DNAJC5: variants seen among roughly 807,000 people sequenced by gnomAD.
DNAJC5 encodes dnaJ homolog subfamily C member 5.
In DNAJC5, 1 loss-of-function variant was observed where a neutral mutation model predicts 23.2. The observed-to-expected ratio is 0.04, with a 90% CI of 0.02 to 0.20. DNAJC5 has a LOEUF of 0.20. Among genes scored for constraint, DNAJC5 ranks in the 10% least tolerant of loss-of-function variants. The pLI, the probability that DNAJC5 is intolerant of heterozygous loss-of-function variation, is 1.00. For synonymous variants in DNAJC5, 136 were observed against 120.0 expected (o/e 1.13, Z -0.87); for missense variants, 180 against 267.0 (o/e 0.67, Z 2.27).
Position 63,933,908 on chromosome 20 carries a change from A to G in DNAJC5, c.*2340A>G, listed in dbSNP as rs2053695363. The G allele has an allele frequency of 6.6e-6, 1 of 152,502 alleles. No individual in the cohort carries two copies. The highest frequency in any genetic ancestry group is 2.4e-5 in the African/African-American group (1 of 41,474). 9.4% of individuals were successfully genotyped at this position (152,502 alleles called of 1,614,324 possible). A position where few individuals can be genotyped will look rare whatever the true frequency, so the allele number is the denominator to read the frequency against. ...AGGTGGCTTTTCAGTTACAGAGTCC[A>G]GTGGACCATTTTGTAGAACCATGCA... On this transcript the variant is annotated 3_prime_UTR_variant, in exon 5 of 5. Transcript: ENST00000360864.
chr20:63,924,126 C>T (rs952434811), intron 1 of DNAJC5, among the ~76,000 whole-genome samples: 9 of 151,970 alleles, frequency 5.9e-5, no homozygotes, highest in Non-Finnish European at 1.2e-4. Context: ...AATTCTCTAA[C>T]TTTTGTTCTT....
chr20:63,926,591 A>G (rs112154274), intron 1 of DNAJC5, among the ~76,000 whole-genome samples: 10 of 152,348 alleles, frequency 6.6e-5, no homozygotes, highest in African/African-American at 1.9e-4. Context: ...ACGGAATCTC[A>G]TGCTCTGCCA....
rs1289859219 is a variant in DNAJC5 at position 63,934,503 on chromosome 20, G to C, written c.*2935G>C. ...CCCGTCCGGTTCACGAGGGGGTCCG[G>C]GCAGCACTGACTGCTTCCGACCTGC... On this transcript the variant is annotated 3_prime_UTR_variant, in exon 5 of 5. Transcript: ENST00000360864. 3 of 152,302 alleles carry C rather than the reference G, an allele frequency of 2.0e-5. No individual in the cohort carries two copies. Among genetic ancestry groups the C allele is most frequent in the Admixed American group, 2.0e-4 (3 of 15,288 alleles). The allele number at this position is 152,302 out of a possible 1,614,324, so 9.4% of individuals were successfully genotyped here.
intron 1 of DNAJC5, among the ~76,000 whole-genome samples, chr20:63,901,107 GGC>G: frequency 6.6e-6 from 1 of 152,208 alleles, no homozygotes; most frequent in Non-Finnish European, 1.5e-5. Context: ...TGGAATTACA[GGC>G]GTGTGCCACC....
At position 63,928,399 on chromosome 20, in the gene DNAJC5, C is replaced by A. The variant is rs770638590; in HGVS notation, c.54C>A (p.His18Gln). 6 of 1,614,066 alleles carry A rather than the reference C, an allele frequency of 3.7e-6. No individual in the cohort carries two copies. The South Asian group carries it at 5.5e-5, about 15-fold the overall frequency. Residue 18 changes from histidine to glutamine, a missense_variant, in exon 2 of 5, where the codon CAC becomes CAA. Physicochemically the swap from His to Gln is conservative, Grantham distance 24. Around this residue, in one of 3 missense-constraint regions of DNAJC5, gnomAD observed 77 missense variants for 106.8 expected, o/e 0.72. Transcript: ENST00000360864. The surrounding 1 kb of genome is among the most constrained non-coding windows in gnomAD (Gnocchi z 4.6). ...SLSTSGESLY[H>Q]VLGLDKNATS... ...CTACCTCTGGGGAGTCATTGTACCA[C>A]GTCCTTGGGTTGGACAAGAACGCAA... is the stretch of plus-strand genomic sequence containing the variant.
In DNAJC5 at chr20:63,934,805, G is replaced by A. The variant is rs576665202; in HGVS notation, c.*3237G>A. On this transcript the variant is annotated 3_prime_UTR_variant, in exon 5 of 5. Transcript: ENST00000360864. The stretch of plus-strand genomic sequence containing the variant: ...CGTCGGCTGCTGCCATCCAGAAGAG[G>A]CCCTGGAGCCTCACGCCGTCGAGGC... 1 of 152,260 alleles carries A rather than the reference G, an allele frequency of 6.6e-6. No homozygotes were observed. The highest frequency in any genetic ancestry group is 1.5e-5 in the Non-Finnish European group (1 of 68,048). The allele number at this position is 152,260 out of a possible 1,614,324, so 9.4% of individuals were successfully genotyped here. A position where few individuals can be genotyped will look rare whatever the true frequency, so the allele number is the denominator to read the frequency against.
At chr20:63,905,335 C>T (rs180957184) in intron 1 of DNAJC5, among the ~76,000 whole-genome samples, 428 of 152,088 alleles carry the variant, frequency 2.8e-3, no homozygotes, top group Non-Finnish European at 5.1e-3. Context: ...AGGCCGATCT[C>T]GACCTCCTGA....
chr20:63,907,680 C>T (rs1423317100), intron 1 of DNAJC5, among the ~76,000 whole-genome samples: 2 of 152,182 alleles, frequency 1.3e-5, no homozygotes, highest in African/African-American at 2.4e-5. Context: ...AAACTCAAAG[C>T]AGATATCACA....
chr20:63,896,269 CAGCTGAG>C (rs543197869), intron 1 of DNAJC5, among the ~76,000 whole-genome samples: 82 of 152,332 alleles, frequency 5.4e-4, no homozygotes, highest in African/African-American at 1.9e-3. Flanking sequence ...AAAAAAATGT[CAGCTGAG>C]TTTCAGGAAT....
intron 1 of DNAJC5, among the ~76,000 whole-genome samples, chr20:63,902,021 GTTCT>G (rs1303953628): frequency 3.3e-5 from 5 of 151,790 alleles, no homozygotes; most frequent in Non-Finnish European, 7.4e-5. Context: ...AATTTTGTTA[GTTCT>G]TTCTTGATGT....
At chr20:63,930,077 C>T (rs2053654298) in intron 3 of DNAJC5, among the ~76,000 whole-genome samples, 1 of 152,226 alleles carries the variant, frequency 6.6e-6, no homozygotes, top group Non-Finnish European at 1.5e-5. Context: ...TTCCAAATGT[C>T]ATATATGAGG....
At chr20:63,903,891 G>GC (rs2053430487) in intron 1 of DNAJC5, among the ~76,000 whole-genome samples, 1 of 152,116 alleles carries the variant, frequency 6.6e-6, no homozygotes, top group African/African-American at 2.4e-5. Flanking sequence ...TTTGAGACCA[G>GC]CCTGGGTAAC....
intron 1 of DNAJC5, among the ~76,000 whole-genome samples, chr20:63,919,241 A>C (rs1187483286): frequency 6.6e-6 from 1 of 152,208 alleles, no homozygotes; most frequent in Admixed American, 6.5e-5. Flanking sequence ...CCGCAGGCGG[A>C]GATTTTTGCC....
chr20:63,898,649 C>T lies in DNAJC5; in HGVS notation c.-12+3326C>T, dbSNP rs184659435. On this transcript the variant is annotated intron_variant, in intron 1 of 4. Transcript: ENST00000360864. The stretch of plus-strand genomic sequence containing the variant: ...TTGAGATCGAGAGATCGAGACCATC[C>T]TGGCCAACATGGTGAAACCCTGTCT... 2.9e-3 allele frequency among the ~76,000 whole-genome samples: 444 copies of T among 152,234 alleles called. 2 individuals carry two copies. The highest frequency in any genetic ancestry group is 5.4e-3 in the Admixed American group (83 of 15,288).
chr20:63,899,850 G>C (rs1462288692), intron 1 of DNAJC5, among the ~76,000 whole-genome samples: 2 of 150,946 alleles, frequency 1.3e-5, no homozygotes, highest in East Asian at 3.9e-4. Flanking sequence ...CAAAGTGCTG[G>C]GATTGCAGGT....
Position 63,929,149 on chromosome 20 carries a change from T to G in DNAJC5, c.108-163T>G, listed in dbSNP as rs1285257808. Among the ~76,000 whole-genome samples the G allele has an allele frequency of 6.6e-6, 1 of 152,084 alleles. No homozygotes were observed. Among genetic ancestry groups the G allele is most frequent in the East Asian group, 1.9e-4 (1 of 5,172 alleles). ...ACCTGAAACAACCGCGGAGCTTGCTTTTGTCCCTGGCCCCTGCAGCCCTGG... is the reference window on the plus strand; with the variant it reads ...ACCTGAAACAACCGCGGAGCTTGCTGTTGTCCCTGGCCCCTGCAGCCCTGG... On this transcript the variant is annotated intron_variant, in intron 2 of 4. Coordinates refer to ENST00000360864, the MANE Select transcript of DNAJC5 (RefSeq NM_025219.3). This position sits in a 1 kb window ranked among gnomAD's most constrained non-coding sequence, Gnocchi z 8.6.
chr20:63,909,161 G>A (rs1362174333), intron 1 of DNAJC5: 1 of 151,974 alleles, frequency 6.6e-6, no homozygotes, highest in African/African-American at 2.4e-5. Context: ...CGGGCGTGGT[G>A]GCTCACGCCT....
In DNAJC5 at chr20:63,931,349, G is replaced by T. The variant is rs916266224; in HGVS notation, c.494-116G>T. ...AGCCGTGTGGGGTGGAGGTCAGCGA[G>T]TAGCCTCTCCCGGTGGAGAGTTTGT... On this transcript the variant is annotated intron_variant, in intron 4 of 4. Coordinates refer to ENST00000360864, the MANE Select transcript of DNAJC5 (RefSeq NM_025219.3). This position sits in a 1 kb window ranked among gnomAD's most constrained non-coding sequence, Gnocchi z 9.6. 5.8e-6 allele frequency: 6 copies of T among 1,043,074 alleles called. No homozygotes were observed. The highest frequency in any genetic ancestry group is 8.6e-6 in the Non-Finnish European group (6 of 699,374). 64.6% of individuals were successfully genotyped at this position (1,043,074 alleles called of 1,614,324 possible). A position where few individuals can be genotyped will look rare whatever the true frequency, so the allele number is the denominator to read the frequency against.
chr20:63,899,591 T>A (rs770901469), intron 1 of DNAJC5, among the ~76,000 whole-genome samples: 27 of 152,254 alleles, frequency 1.8e-4, no homozygotes, highest in Non-Finnish European at 2.8e-4. Context: ...CATTTTCTTT[T>A]GTTTTTTTGA....
Sources: gnomAD v4.1 joint callset for allele counts (sites outside exome capture counted in the v4.1 genomes callset) on GRCh38, gnomAD v4.1.1 for gene constraint, gnomAD v4.1.1 regional missense constraint, Gnocchi (gnomAD v3.1) non-coding constraint, MANE v1.5 for transcripts, NCBI Gene and HGNC (gene_info 2026-07-23, HGNC 2026-07-21) for gene names.